DMRT1: variants seen among roughly 807,000 people sequenced by gnomAD.
The protein encoded by DMRT1 is doublesex- and mab-3-related transcription factor 1.
Under a neutral mutation model 32.3 loss-of-function variants are expected in DMRT1, and 7 were observed. The observed-to-expected ratio is 0.22, with a 90% confidence interval of 0.12 to 0.41. DMRT1 has a LOEUF of 0.41. DMRT1 is among the 10% of genes least tolerant of loss of function. DMRT1 has a pLI of 1.00. For missense variants in DMRT1, 625 were observed against 500.5 expected (o/e 1.25, Z -2.37); for synonymous variants, 278 against 206.1 (o/e 1.35, Z -2.99).
chr9:912,514 A>T (rs900450871), intron 3 of DMRT1, among the ~76,000 whole-genome samples: 1 of 152,234 alleles, frequency 6.6e-6, no homozygotes, highest in African/African-American at 2.4e-5. Context: ...TTTGGAAAAC[A>T]TGGAAAAGGA....
intron 2 of DMRT1, among the ~76,000 whole-genome samples, chr9:886,374 G>C (rs1054674450): frequency 6.6e-6 from 1 of 152,202 alleles, no homozygotes; most frequent in Admixed American, 6.5e-5. Flanking sequence ...TCCTGCCTCA[G>C]CCTTCTGAGT....
chr9:903,069 C>T (rs1817649288), intron 3 of DMRT1, among the ~76,000 whole-genome samples: 1 of 152,190 alleles, frequency 6.6e-6, no homozygotes, highest in Admixed American at 6.5e-5. Context: ...TAAACTTTGC[C>T]TTAAATGGCT....
intron 2 of DMRT1, among the ~76,000 whole-genome samples, chr9:862,846 C>G (rs1443009316): frequency 6.6e-6 from 1 of 152,082 alleles, no homozygotes; most frequent in South Asian, 2.1e-4. Context: ...TCAGCGTGGT[C>G]AGGTGAATAA....
At chr9:887,424 C>G (rs774182968) in intron 2 of DMRT1, among the ~76,000 whole-genome samples, 10 of 152,168 alleles carry the variant, frequency 6.6e-5, no homozygotes, top group African/African-American at 9.7e-5. Flanking sequence ...TTCTGCTACT[C>G]CCTTGCTCTG....
At chr9:938,737 C>A (rs550127119) in intron 4 of DMRT1, among the ~76,000 whole-genome samples, 3 of 152,230 alleles carry the variant, frequency 2.0e-5, no homozygotes, top group East Asian at 3.9e-4. Context: ...TGCTTTATTT[C>A]TAGTCTATTT....
intron 2 of DMRT1, among the ~76,000 whole-genome samples, chr9:884,014 A>G (rs1004919068): frequency 6.6e-6 from 1 of 152,202 alleles, no homozygotes; most frequent in African/African-American, 2.4e-5. Flanking sequence ...AATCGTTTAC[A>G]TGACCTCATG....
At chr9:924,072 T>TC (rs1564254228) in intron 4 of DMRT1, among the ~76,000 whole-genome samples, 6 of 63,678 alleles carry the variant, frequency 9.4e-5, no homozygotes, top group Non-Finnish European at 1.3e-4. Flanking sequence ...ATCAATCTCT[T>TC]TTTTTTTTTT....
intron 3 of DMRT1, among the ~76,000 whole-genome samples, chr9:910,314 G>T (rs1012621602): frequency 6.8e-6 from 1 of 148,124 alleles, no homozygotes; most frequent in African/African-American, 2.5e-5. Context: ...AAAAAACTTA[G>T]AAATTAAAAA....
intron 2 of DMRT1, among the ~76,000 whole-genome samples, chr9:880,718 C>T (rs1340742510): frequency 2.6e-5 from 3 of 113,862 alleles, no homozygotes; most frequent in Non-Finnish European, 5.1e-5. Flanking sequence ...CAGCAAAACT[C>T]AGTCTCAAAA....
intron 4 of DMRT1, among the ~76,000 whole-genome samples, chr9:929,429 G>A (rs547059430): frequency 1.5e-3 from 232 of 152,088 alleles, no homozygotes; most frequent in African/African-American, 5.4e-3. Flanking sequence ...AGTACAAGAG[G>A]GCAATGCTAA....
At chr9:851,802 A>C (rs1839161750) in intron 2 of DMRT1, among the ~76,000 whole-genome samples, 1 of 152,192 alleles carries the variant, frequency 6.6e-6, no homozygotes, top group Non-Finnish European at 1.5e-5. Flanking sequence ...TAGTCTTTGA[A>C]TAACGAGTGT....
At chr9:891,866 A>T (rs1259300331) in intron 2 of DMRT1, among the ~76,000 whole-genome samples, 1 of 152,126 alleles carries the variant, frequency 6.6e-6, no homozygotes, top group Non-Finnish European at 1.5e-5. Flanking sequence ...ATGCCAAGCT[A>T]CTTGAAAAAT....
chr9:899,547 T>C (rs896095384), intron 3 of DMRT1, among the ~76,000 whole-genome samples: 3 of 152,194 alleles, frequency 2.0e-5, no homozygotes, highest in East Asian at 1.9e-4. Context: ...TGTAGGAGAT[T>C]TGTGGCCCAA....
intron 2 of DMRT1, among the ~76,000 whole-genome samples, chr9:849,353 G>T (rs2132548459): frequency 6.6e-6 from 1 of 152,292 alleles, no homozygotes; most frequent in East Asian, 1.9e-4. Flanking sequence ...AACAATGTTA[G>T]GTGAAAAAGT....
At chr9:901,341 T>C (rs1047095287) in intron 3 of DMRT1, among the ~76,000 whole-genome samples, 2 of 151,858 alleles carry the variant, frequency 1.3e-5, no homozygotes, top group Non-Finnish European at 2.9e-5. Context: ...TTGTTTTTTA[T>C]TGTGAGACAG....
At chr9:942,449 A>T (rs279907) in intron 4 of DMRT1, among the ~76,000 whole-genome samples, 152,237 of 152,238 alleles carry the variant, frequency 1, 76,118 homozygotes, top group Middle Eastern at 1. Flanking sequence ...AATTTTTAAT[A>T]TTTTGTAGCG....
intron 2 of DMRT1, among the ~76,000 whole-genome samples, chr9:881,717 A>G (rs1169982736): frequency 2.6e-5 from 4 of 152,234 alleles, no homozygotes; most frequent in Non-Finnish European, 5.9e-5. Flanking sequence ...GAAATATTTA[A>G]AAGGTTCAAG....
chr9:944,514 T>C (rs1385126411), intron 4 of DMRT1, among the ~76,000 whole-genome samples: 4 of 152,232 alleles, frequency 2.6e-5, no homozygotes, highest in African/African-American at 7.2e-5. Flanking sequence ...AAACTGATTT[T>C]GTGTCTTAGT....
At chr9:891,088 G>C (rs112421566) in intron 2 of DMRT1, among the ~76,000 whole-genome samples, 5,787 of 151,796 alleles carry the variant, frequency 0.038, 156 homozygotes, top group African/African-American at 0.078. Flanking sequence ...GCCTGTAATC[G>C]TAGCACTTTG....
Sources: allele counts gnomAD v4.1 joint callset (sites outside exome capture counted in the v4.1 genomes callset), GRCh38; gene constraint gnomAD v4.1.1; transcripts MANE v1.5; gene names NCBI Gene and HGNC (gene_info 2026-07-23, HGNC 2026-07-21).